NPEPL1: variants seen among roughly 807,000 people sequenced by gnomAD.
The protein encoded by NPEPL1 is aminopeptidase like 1.
A neutral mutation model predicts 52.4 loss-of-function variants in NPEPL1; 45 were observed. The observed-to-expected ratio is 0.86, with a 90% CI of 0.68 to 1.10. The LOEUF is 1.10. Among genes scored for constraint, NPEPL1 ranks in the 50% least tolerant of loss-of-function variants. The pLI, the probability that NPEPL1 is intolerant of heterozygous loss-of-function variation, is 0.00. For synonymous variants in NPEPL1, 360 were observed against 314.7 expected, an observed-to-expected ratio of 1.14 and a Z score of -1.52; for missense variants, 696 against 710.9, an observed-to-expected ratio of 0.98 and a Z score of 0.24.
At chr20:58,699,536 C>G (rs2084567805) in intron 5 of NPEPL1, among the ~76,000 whole-genome samples, 1 of 152,250 alleles carries the variant, frequency 6.6e-6, no homozygotes, top group Admixed American at 6.5e-5. Context: ...CCTGCAGCCT[C>G]TCCAGCGTCC....
Position 58,713,368 on chromosome 20 carries a change from C to A in NPEPL1, c.1002-52C>A. ...CTCCCCAGTTTCAAAGGGGCTCATG[C>A]CAGTGTCCCAGGAAATCCCGTCCCT... On this transcript the variant is annotated intron_variant, in intron 8 of 11. Transcript: ENST00000356091. This position sits in a 1 kb window ranked among gnomAD's most constrained non-coding sequence, Gnocchi z 4.6. 2 of 1,530,178 alleles carry A rather than the reference C, an allele frequency of 1.3e-6. No homozygotes were observed. Among genetic ancestry groups the A allele is most frequent in the Admixed American group, 1.9e-5 (1 of 51,406 alleles). 94.8% of individuals were successfully genotyped at this position (1,530,178 alleles called of 1,614,324 possible).
chr20:58,707,306 G>T, intron 7 of NPEPL1, 106 bp downstream of exon 7: 3 of 1,063,050 alleles, frequency 2.8e-6, no homozygotes, highest in African/African-American at 1.6e-5. Flanking sequence ...GGTCCTACCC[G>T]AGTCTCCCCA....
At chr20:58,714,323 G>A (rs923836667) in intron 10 of NPEPL1, 17 of 613,276 alleles carry the variant, frequency 2.8e-5, no homozygotes, top group South Asian at 4.3e-5. Flanking sequence ...CCAGTCTTGG[G>A]TCTGGCTCAG....
At chr20:58,707,912 C>G (rs1301627426) in intron 7 of NPEPL1, among the ~76,000 whole-genome samples, 1 of 152,150 alleles carries the variant, frequency 6.6e-6, no homozygotes, top group Non-Finnish European at 1.5e-5. Context: ...GACCCCGTTT[C>G]TATAAAAAAA....
chr20:58,692,677 G>A, upstream of NPEPL1: 3 of 358,452 alleles, frequency 8.4e-6, no homozygotes, highest in Non-Finnish European at 1.2e-5. This position sits in a 1 kb window ranked among gnomAD's most constrained non-coding sequence, Gnocchi z 5.7. Flanking sequence ...GGCCTGCCCG[G>A]CCGGGCCTGC....
chr20:58,714,770 TTCTG>T (rs749454434), intron 11 of NPEPL1, 100 bp downstream of exon 11: 53 of 954,408 alleles, frequency 5.6e-5, no homozygotes, highest in Admixed American at 7.0e-5. Context: ...CATCAGAAAC[TTCTG>T]TCTGTGACCC....
At chr20:58,707,318 C>A in intron 7 of NPEPL1, 118 bp downstream of exon 7, 2 of 945,568 alleles carry the variant, frequency 2.1e-6, no homozygotes, top group East Asian at 2.7e-5. Flanking sequence ...GTCTCCCCAG[C>A]GGATGCTTGT....
intron 6 of NPEPL1, chr20:58,704,489 T>A: frequency 2.0e-6 from 1 of 488,094 alleles, no homozygotes; most frequent in Non-Finnish European, 2.6e-6. Context: ...CATGTATAAT[T>A]CATTAAAAAT....
chr20:58,693,283 G>A, intron 1 of NPEPL1: 1 of 179,698 alleles, frequency 5.6e-6, no homozygotes, highest in Non-Finnish European at 1.1e-5. Context: ...CCAGCCCTGC[G>A]CCCCGCGAGG....
chr20:58,691,488 C>T, upstream of NPEPL1: 3 of 602,958 alleles, frequency 5.0e-6, no homozygotes, highest in East Asian at 3.3e-5. Context: ...AAGCTCTAGT[C>T]TGTGGTGTTT....
At chr20:58,699,363 G>A (rs1415534810) in intron 5 of NPEPL1, 85 bp downstream of exon 5, 7 of 1,010,056 alleles carry the variant, frequency 6.9e-6, no homozygotes, top group Non-Finnish European at 1.0e-5. Context: ...CGGGCCACAT[G>A]GCACATTGTC....
chr20:58,713,662 G>A lies in NPEPL1; in HGVS notation c.1125+119G>A, dbSNP rs1467636079. On this transcript the variant is annotated intron_variant, in intron 9 of 11. Coordinates refer to ENST00000356091, the MANE Select transcript of NPEPL1 (RefSeq NM_024663.4). The surrounding 1 kb of genome is among the most constrained non-coding windows in gnomAD (Gnocchi z 4.6). ...GCCGTCAGGAAGTTTTCATAACTGG[G>A]CACGAGGAGGCAGGAGGAGCTGCCC... 5 of 1,353,320 alleles carry A rather than the reference G, an allele frequency of 3.7e-6. No individual in the cohort carries two copies. The African/African-American group carries it at 5.9e-5, about 16-fold the overall frequency. The allele number at this position is 1,353,320 out of a possible 1,614,324, so 83.8% of individuals were successfully genotyped here. A position where few individuals can be genotyped will look rare whatever the true frequency, so the allele number is the denominator to read the frequency against.
intron 8 of NPEPL1, 145 bp downstream of exon 8, chr20:58,712,724 G>T (rs947621228): frequency 9.8e-6 from 7 of 713,052 alleles, no homozygotes; most frequent in African/African-American, 5.2e-5. Context: ...TTCCCGGAGG[G>T]CTGGGGAGCT....
At chr20:58,695,491 G>T (rs550573365) in intron 3 of NPEPL1, among the ~76,000 whole-genome samples, 1 of 152,142 alleles carries the variant, frequency 6.6e-6, no homozygotes, top group Non-Finnish European at 1.5e-5. Flanking sequence ...CTGTCCCCAC[G>T]GCAGCGGTCC....
intron 1 of NPEPL1, 160 bp from the exon 2 acceptor site, chr20:58,693,577 G>A: frequency 1.6e-6 from 1 of 610,968 alleles, no homozygotes; most frequent in Non-Finnish European, 2.9e-6. Context: ...TCTGCAGAGA[G>A]GCGACACATC....
chr20:58,705,546 G>A (rs1333638331), intron 6 of NPEPL1: 1 of 456,296 alleles, frequency 2.2e-6, no homozygotes, highest in African/African-American at 2.0e-5. Flanking sequence ...TGGGACTGTG[G>A]CCTGATACTC....
At chr20:58,703,861 G>T in intron 6 of NPEPL1, 4 of 985,092 alleles carry the variant, frequency 4.1e-6, no homozygotes, top group Non-Finnish European at 4.8e-6. Context: ...CATGGCTCCA[G>T]ATCACCTTCT....
chr20:58,695,277 T>TGTGTGTG (rs1555848674), intron 3 of NPEPL1, among the ~76,000 whole-genome samples: 1 of 51,046 alleles, frequency 2.0e-5, no homozygotes, highest in Non-Finnish European at 4.3e-5. Context: ...GTGTGTGTTG[T>TGTGTGTG]GTGTGTTGCT....
At chr20:58,707,074 C>G (rs1477281457) in intron 6 of NPEPL1, 49 bp from the exon 7 acceptor site, 1 of 1,532,774 alleles carries the variant, frequency 6.5e-7, no homozygotes, top group South Asian at 1.2e-5. Context: ...GCTGCCAGGC[C>G]TGGACCTCAC....
Sources: gnomAD v4.1 joint callset for allele counts (sites outside exome capture counted in the v4.1 genomes callset) on GRCh38, gnomAD v4.1.1 for gene constraint, Gnocchi (gnomAD v3.1) non-coding constraint, MANE v1.5 for transcripts, NCBI Gene and HGNC (gene_info 2026-07-23, HGNC 2026-07-21) for gene names.